FOCAD: variants seen among roughly 807,000 people sequenced by gnomAD.
FOCAD encodes KIAA1797.
FOCAD carries 198 observed loss-of-function variants against 225.6 expected under a neutral mutation model. The ratio of observed to expected loss-of-function variants is 0.88; its 90% CI spans 0.78 to 0.99. FOCAD has a LOEUF of 0.99. Ranked by LOEUF, FOCAD falls within the 50% of genes least tolerant of loss-of-function variation. The pLI is 0.00. For synonymous variants in FOCAD, 897 were observed against 755.0 expected, an observed-to-expected ratio of 1.19 and a Z score of -3.08; for missense variants, 2,713 against 2,123.6, an observed-to-expected ratio of 1.28 and a Z score of -5.46.
At chr9:20,779,847 C>T (rs902971527) in intron 9 of FOCAD, among the ~76,000 whole-genome samples, 64 of 152,162 alleles carry the variant, frequency 4.2e-4, no homozygotes, top group African/African-American at 1.5e-3. Context: ...GCTCTTTCAC[C>T]TACAGTGTGC....
chr9:20,790,632 G>T (rs951880569), intron 11 of FOCAD, among the ~76,000 whole-genome samples: 20 of 152,082 alleles, frequency 1.3e-4, no homozygotes, highest in Non-Finnish European at 2.9e-5. Context: ...TTAGTCGGGT[G>T]CAGTGACATG....
chr9:20,836,294 C>T (rs1323255602), intron 15 of FOCAD, among the ~76,000 whole-genome samples: 1 of 152,072 alleles, frequency 6.6e-6, no homozygotes, highest in Non-Finnish European at 1.5e-5. Flanking sequence ...CAGGTTTTCT[C>T]AGCTGTGTAC....
At chr9:20,938,567 G>GA (rs369890725) in intron 28 of FOCAD, among the ~76,000 whole-genome samples, 23,759 of 150,404 alleles carry the variant, frequency 0.16, 1,912 homozygotes, top group East Asian at 0.2. Context: ...CATCACACAC[G>GA]GGGGCCTGTT....
At chr9:20,776,108 A>G (rs1434246857) in intron 8 of FOCAD, among the ~76,000 whole-genome samples, 2 of 152,188 alleles carry the variant, frequency 1.3e-5, no homozygotes, top group Admixed American at 1.3e-4. Flanking sequence ...TACAGGCATC[A>G]TCAAGTAGGC....
intron 21 of FOCAD, among the ~76,000 whole-genome samples, chr9:20,902,310 C>T (rs976449330): frequency 6.6e-6 from 1 of 151,724 alleles, no homozygotes; most frequent in East Asian, 1.9e-4. Flanking sequence ...AGAGGAAAAT[C>T]GGTCATTCAA....
intron 11 of FOCAD, among the ~76,000 whole-genome samples, chr9:20,806,469 A>G (rs1003802767): frequency 2.6e-5 from 4 of 152,114 alleles, no homozygotes; most frequent in African/African-American, 2.4e-5. Flanking sequence ...TTCCCCCTCA[A>G]AAATTCTAGG....
At chr9:20,717,992 AACT>A in intron 3 of FOCAD, 124 bp downstream of exon 3, 1 of 658,782 alleles carries the variant, frequency 1.5e-6, no homozygotes, top group Non-Finnish European at 2.5e-6. Context: ...GAACTGTGAG[AACT>A]TCATTGCCTT....
chr9:20,832,417 G>A (rs992681258), intron 15 of FOCAD, among the ~76,000 whole-genome samples: 14 of 151,244 alleles, frequency 9.3e-5, no homozygotes, highest in Non-Finnish European at 1.5e-4. Flanking sequence ...AATTTTTGTG[G>A]GTATATAGTA....
At chr9:20,932,840 T>G (rs1355216909) in intron 27 of FOCAD, among the ~76,000 whole-genome samples, 174 bp from the exon 28 acceptor site, 1 of 152,192 alleles carries the variant, frequency 6.6e-6, no homozygotes, top group Non-Finnish European at 1.5e-5. Context: ...TTGGTCAGAC[T>G]TAGTTTCTGT....
chr9:20,787,002 T>C, intron 10 of FOCAD: 2 of 479,940 alleles, frequency 4.2e-6, no homozygotes, highest in South Asian at 3.1e-5. Flanking sequence ...AACGCTTGAT[T>C]GCATCCTTGC....
At chr9:20,979,607 G>A (rs550756255) in intron 37 of FOCAD, among the ~76,000 whole-genome samples, 1 of 152,260 alleles carries the variant, frequency 6.6e-6, no homozygotes, top group South Asian at 2.1e-4. Flanking sequence ...CCAAAGTGCT[G>A]GGATTACAGG....
chr9:20,751,314 C>T (rs1447583852), intron 5 of FOCAD, among the ~76,000 whole-genome samples: 1 of 119,172 alleles, frequency 8.4e-6, no homozygotes, highest in Non-Finnish European at 1.7e-5. Context: ...TCCCCCCTCC[C>T]CCCACCCCAC....
chr9:20,929,369 T>C lies in FOCAD; in HGVS notation c.3090T>C (p.Ser1030=), dbSNP rs1332410748. 6.2e-7 allele frequency: 1 copy of C among 1,614,058 alleles called. No homozygotes were observed. The change falls in exon 27 of 44, where the codon TCT becomes TCC. Residue 1030 remains serine, a synonymous_variant. Transcript: ENST00000338382. ...LLSWFYYKSY[S]GENTASAIAR... ...TTGGCATGTCCTAGAAGTCCTATTC[T>C]GGTGAAAACACAGCTAGTGCCATTG... is the stretch of plus-strand genomic sequence containing the variant.
chr9:20,666,055 C>T (rs1015597863), intron 2 of FOCAD, among the ~76,000 whole-genome samples: 4 of 152,138 alleles, frequency 2.6e-5, no homozygotes, highest in African/African-American at 7.2e-5. Flanking sequence ...CCACCACGCC[C>T]AGCTAATTTT....
In FOCAD at chr9:20,862,565, A is replaced by T; in HGVS notation, c.1921-13A>T. Reference sequence around the variant, plus strand: ...GTCTTGTTAGGTGTTGACCTTTTCTATTTGCTTCACAGGTTGTTTGCATTC... The same window carrying T: ...GTCTTGTTAGGTGTTGACCTTTTCTTTTTGCTTCACAGGTTGTTTGCATTC... On this transcript the variant is annotated splice_polypyrimidine_tract_variant and intron_variant, in intron 15 of 43. Coordinates refer to ENST00000338382, the MANE Select transcript of FOCAD (RefSeq NM_001375567.1). 1 of 1,611,668 alleles carries T rather than the reference A, an allele frequency of 6.2e-7. No homozygotes were observed. Among genetic ancestry groups the T allele is most frequent in the Non-Finnish European group, 8.5e-7 (1 of 1,178,902 alleles).
At chr9:20,693,056 T>C (rs1202004548) in intron 1 of FOCAD, among the ~76,000 whole-genome samples, 3 of 152,152 alleles carry the variant, frequency 2.0e-5, no homozygotes, top group Non-Finnish European at 4.4e-5. Context: ...TGCCCCAAAC[T>C]CTCCAGTGGC....
chr9:20,673,707 G>C (rs981017782), intron 2 of FOCAD, among the ~76,000 whole-genome samples: 7 of 151,998 alleles, frequency 4.6e-5, no homozygotes, highest in Admixed American at 1.3e-4. Flanking sequence ...GGCTCAAGCA[G>C]TCCTCCCACC....
chr9:20,971,556 C>G (rs1839768903), intron 35 of FOCAD, among the ~76,000 whole-genome samples: 1 of 152,062 alleles, frequency 6.6e-6, no homozygotes. Flanking sequence ...TCTCCTGCCC[C>G]AGCCTCCTGA....
At chr9:20,730,537 T>A (rs892555051) in intron 4 of FOCAD, among the ~76,000 whole-genome samples, 14 of 152,198 alleles carry the variant, frequency 9.2e-5, no homozygotes, top group African/African-American at 3.4e-4. Flanking sequence ...TTTTTAAGGC[T>A]GTTTTTGGAT....
Sources: gnomAD v4.1 joint callset for allele counts (sites outside exome capture counted in the v4.1 genomes callset) on GRCh38, gnomAD v4.1.1 for gene constraint, MANE v1.5 for transcripts, NCBI Gene and HGNC (gene_info 2026-07-23, HGNC 2026-07-21) for gene names.